SGPP2: variants seen among roughly 807,000 people sequenced by gnomAD.
SGPP2 encodes the protein sphingosine-1-phosphate phosphatase 2, also known as sphingosine 1-phosphate phosphohydrolase 2.
SGPP2 carries 30 observed loss-of-function variants against 33.9 expected under a neutral mutation model. The ratio of observed to expected loss-of-function variants is 0.89; its 90% confidence interval spans 0.66 to 1.20. The LOEUF (loss-of-function observed/expected upper bound fraction) is 1.20, where lower values mean the gene tolerates loss of function less well. SGPP2 is among the 50% of genes most tolerant of loss of function. The probability of loss-of-function intolerance (pLI) is 0.00; values close to 1 mark genes in which losing one functional copy is unlikely to be tolerated. For synonymous variants in SGPP2, 233 were observed against 225.0 expected (o/e 1.04, Z -0.32); for missense variants, 458 against 532.1 (o/e 0.86, Z 1.37).
chr2:222,515,379 A>T (rs1185445015), intron 2 of SGPP2, among the ~76,000 whole-genome samples: 1 of 151,946 alleles, frequency 6.6e-6, no homozygotes, highest in Non-Finnish European at 1.5e-5. Flanking sequence ...CCCAGGCTGG[A>T]GCGCAGTGGC....
chr2:222,458,053 G>A (rs1214830789), intron 1 of SGPP2, among the ~76,000 whole-genome samples: 1 of 151,918 alleles, frequency 6.6e-6, no homozygotes, highest in Non-Finnish European at 1.5e-5. Flanking sequence ...TTTTTGTTTT[G>A]TTTTTGTTTT....
In SGPP2 at chr2:222,559,044, G is replaced by A. The variant is rs1689474915; in HGVS notation, c.*146G>A. Reference sequence around the variant, plus strand: ...TTGCTACTACCAGATAAATGATGCTGCTGTGTGAAAGGAAGAACTGTCTCA... The same window carrying A: ...TTGCTACTACCAGATAAATGATGCTACTGTGTGAAAGGAAGAACTGTCTCA... On this transcript the variant is annotated 3_prime_UTR_variant, in exon 5 of 5. Transcript: ENST00000321276. 1 of 751,522 alleles carries A rather than the reference G, an allele frequency of 1.3e-6. No individual in the cohort carries two copies. Among genetic ancestry groups the A allele is most frequent in the Non-Finnish European group, 2.1e-6 (1 of 473,822 alleles). The allele number at this position is 751,522 out of a possible 1,614,324, so 46.6% of individuals were successfully genotyped here. A position where few individuals can be genotyped will look rare whatever the true frequency, so the allele number is the denominator to read the frequency against.
At chr2:222,450,116 G>A (rs1697461479) in intron 1 of SGPP2, among the ~76,000 whole-genome samples, 1 of 152,156 alleles carries the variant, frequency 6.6e-6, no homozygotes, top group African/African-American at 2.4e-5. Flanking sequence ...ATGAAATATA[G>A]ACTGTGTTCT....
rs537693170 is a variant in SGPP2 at position 222,558,325 on chromosome 2, T to C, written c.649-22T>C. On this transcript the variant is annotated intron_variant, in intron 4 of 4. Transcript: ENST00000321276. ...AGGAAACACTCATTGGTTCACACTG[T>C]TCTTTTCTCTCCTTCCCAAAGGATG... 5.1e-4 allele frequency: 822 copies of C among 1,611,658 alleles called. 12 individuals are homozygous for C. The South Asian group carries it at 8.4e-3, about 16-fold the overall frequency.
chr2:222,452,654 G>A, intron 1 of SGPP2: 1 of 1,377,082 alleles, frequency 7.3e-7, no homozygotes, highest in South Asian at 1.2e-5. Context: ...TCCAGGAGTA[G>A]TTGCTCCAGG....
At chr2:222,524,024 C>T (rs1032883991) in intron 3 of SGPP2, among the ~76,000 whole-genome samples, 1 of 152,186 alleles carries the variant, frequency 6.6e-6, no homozygotes, top group African/African-American at 2.4e-5. Flanking sequence ...TGTGTGACCT[C>T]AGGCAGATCA....
intron 1 of SGPP2, among the ~76,000 whole-genome samples, chr2:222,472,197 C>T (rs1697855357): frequency 6.6e-6 from 1 of 152,160 alleles, no homozygotes; most frequent in Non-Finnish European, 1.5e-5. Context: ...TCCATTGCTG[C>T]TGTAACAAAT....
intron 1 of SGPP2, among the ~76,000 whole-genome samples, chr2:222,434,099 C>G (rs1262855317): frequency 6.6e-6 from 1 of 152,162 alleles, no homozygotes; most frequent in East Asian, 1.9e-4. Context: ...AACACTGTCA[C>G]AGTTTCCAGG....
intron 1 of SGPP2, among the ~76,000 whole-genome samples, chr2:222,436,894 G>A (rs1697250371): frequency 6.6e-6 from 1 of 152,186 alleles, no homozygotes; most frequent in Admixed American, 6.5e-5. Context: ...GGCAAATTGG[G>A]CACTCAGCAG....
At position 222,530,898 on chromosome 2, in the gene SGPP2, C is replaced by T. The variant is rs143297387; in HGVS notation, c.648+5865C>T. Among the ~76,000 whole-genome samples the T allele has an allele frequency of 2.6e-4, 39 of 152,238 alleles. No homozygotes were observed. In the East Asian group the frequency reaches 7.5e-3, roughly 29 times the overall value. On this transcript the variant is annotated intron_variant, in intron 4 of 4. Coordinates refer to ENST00000321276, the MANE Select transcript of SGPP2 (RefSeq NM_152386.4). ...TTAAGTAAGAGATGACAGCCAGGTG[C>T]AGTGGCTCACCTGGAATCCCAGTGC...
chr2:222,424,971 G>T, intron 1 of SGPP2, 150 bp downstream of exon 1: 1 of 620,836 alleles, frequency 1.6e-6, no homozygotes, highest in East Asian at 3.7e-5. Flanking sequence ...GGACGGGGAG[G>T]CCTGGCCTTC....
At chr2:222,512,505 G>A (rs1338372491) in intron 2 of SGPP2, among the ~76,000 whole-genome samples, 1 of 152,068 alleles carries the variant, frequency 6.6e-6, no homozygotes, top group Non-Finnish European at 1.5e-5. Flanking sequence ...AGTCTATAGT[G>A]TACATTAGGG....
At chr2:222,529,576 C>A (rs1256740361) in intron 4 of SGPP2, among the ~76,000 whole-genome samples, 1 of 152,192 alleles carries the variant, frequency 6.6e-6, no homozygotes, top group African/African-American at 2.4e-5. Context: ...ATGAAGTGAT[C>A]CGTCCACCTT....
At chr2:222,519,992 T>C (rs1698659361) in intron 2 of SGPP2, among the ~76,000 whole-genome samples, 1 of 152,196 alleles carries the variant, frequency 6.6e-6, no homozygotes, top group Non-Finnish European at 1.5e-5. Flanking sequence ...ATATGTGTCT[T>C]TTTGGTAGAA....
At chr2:222,446,283 G>A (rs1697397534) in intron 1 of SGPP2, among the ~76,000 whole-genome samples, 1 of 151,886 alleles carries the variant, frequency 6.6e-6, no homozygotes, top group African/African-American at 2.4e-5. Flanking sequence ...TGCTGGTAAT[G>A]GCAGGAGAGT....
At chr2:222,430,779 A>G (rs1697142438) in intron 1 of SGPP2, among the ~76,000 whole-genome samples, 1 of 152,234 alleles carries the variant, frequency 6.6e-6, no homozygotes, top group Non-Finnish European at 1.5e-5. Flanking sequence ...AGTCATGTTG[A>G]CATCATGTTC....
chr2:222,520,331 G>C (rs1218267584), intron 2 of SGPP2, among the ~76,000 whole-genome samples: 2 of 151,576 alleles, frequency 1.3e-5, no homozygotes, highest in Admixed American at 6.6e-5. Context: ...GTCTTCTTTT[G>C]AGAACATGTT....
chr2:222,431,544 G>T (rs551152932), intron 1 of SGPP2, among the ~76,000 whole-genome samples: 1 of 152,062 alleles, frequency 6.6e-6, no homozygotes, highest in Admixed American at 6.6e-5. Context: ...ACAAGGTGGG[G>T]GTAATTGAAG....
At chr2:222,463,778 G>T (rs1200487162) in intron 1 of SGPP2, among the ~76,000 whole-genome samples, 1 of 152,120 alleles carries the variant, frequency 6.6e-6, no homozygotes, top group African/African-American at 2.4e-5. Context: ...TTACCTATTT[G>T]CTTTTAAAAT....
Sources: gnomAD v4.1 joint callset for allele counts (sites outside exome capture counted in the v4.1 genomes callset) on GRCh38, gnomAD v4.1.1 for gene constraint, MANE v1.5 for transcripts, NCBI Gene and HGNC (gene_info 2026-07-23, HGNC 2026-07-21) for gene names.